Variants in PRKN observed in about 807,000 individuals in gnomAD.
PRKN encodes the protein parkin RBR E3 ubiquitin protein ligase.
PRKN carries 56 observed loss-of-function variants against 59.5 expected under a neutral mutation model. The ratio of observed to expected loss-of-function variants is 0.94; its 90% CI spans 0.76 to 1.18. The LOEUF (loss-of-function observed/expected upper bound fraction) is 1.18, where lower values mean the gene tolerates loss of function less well. PRKN is among the 50% of genes most tolerant of loss of function. The probability of loss-of-function intolerance (pLI) is 0.00; values close to 1 mark genes in which losing one functional copy is unlikely to be tolerated. For missense variants in PRKN, 657 were observed against 596.4 expected (o/e 1.10, Z -1.06); for synonymous variants, 250 against 222.1 (o/e 1.13, Z -1.12).
intron 9 of PRKN, among the ~76,000 whole-genome samples, chr6:161,469,451 T>C (rs746962895): frequency 9.4e-5 from 14 of 149,004 alleles, no homozygotes; most frequent in African/African-American, 1.2e-4. Flanking sequence ...AACAGACTAA[T>C]ACATCGCAAC....
chr6:162,413,426 T>C (rs746237647), intron 2 of PRKN, among the ~76,000 whole-genome samples: 25 of 152,034 alleles, frequency 1.6e-4, no homozygotes, highest in East Asian at 7.7e-4. Flanking sequence ...TTGTGAAATA[T>C]AGAAAGGAAG....
chr6:161,962,062 G>A, intron 6 of PRKN, among the ~76,000 whole-genome samples: 1 of 152,300 alleles, frequency 6.6e-6, no homozygotes, highest in South Asian at 2.1e-4. Flanking sequence ...GGCCCTTGCT[G>A]CGATAAATGA....
chr6:161,858,679 C>T (rs993936516), intron 6 of PRKN, among the ~76,000 whole-genome samples: 4 of 151,766 alleles, frequency 2.6e-5, no homozygotes, highest in Non-Finnish European at 5.9e-5. Flanking sequence ...ATGCTCTTCC[C>T]GTTGGCGGTG....
intron 5 of PRKN, among the ~76,000 whole-genome samples, chr6:162,024,194 CTTTTTTTTTTTT>C (rs111595639): frequency 1.2e-4 from 10 of 82,062 alleles, no homozygotes; most frequent in African/African-American, 3.5e-4. Context: ...TCCCCCAACC[CTTTTTTTTTTTT>C]TTTTTTTTTT....
chr6:162,110,012 C>T (rs1780354230), intron 4 of PRKN, among the ~76,000 whole-genome samples: 1 of 152,180 alleles, frequency 6.6e-6, no homozygotes, highest in Non-Finnish European at 1.5e-5. Flanking sequence ...CTGTGTTTTA[C>T]TTAACACTAT....
At chr6:162,455,336 T>G (rs888747842) in intron 1 of PRKN, among the ~76,000 whole-genome samples, 1 of 152,198 alleles carries the variant, frequency 6.6e-6, no homozygotes. Flanking sequence ...AAATGCATCC[T>G]TAGGCAATTT....
chr6:162,127,548 T>C (rs757853605), intron 4 of PRKN, among the ~76,000 whole-genome samples: 1 of 152,184 alleles, frequency 6.6e-6, no homozygotes, highest in Non-Finnish European at 1.5e-5. Context: ...CAGGAATCAA[T>C]GGCCAAGTAT....
At chr6:162,325,940 G>C (rs1048884523) in intron 2 of PRKN, among the ~76,000 whole-genome samples, 1 of 152,092 alleles carries the variant, frequency 6.6e-6, no homozygotes, top group African/African-American at 2.4e-5. Context: ...GCAAACATCC[G>C]TGGTCATGTC....
At chr6:161,415,224 G>A (rs959591758) in intron 9 of PRKN, among the ~76,000 whole-genome samples, 18 of 152,124 alleles carry the variant, frequency 1.2e-4, no homozygotes, top group African/African-American at 4.3e-4. Context: ...GTGTCCGCGA[G>A]GAACCATTCA....
At chr6:161,955,021 A>G (rs1780118806) in intron 6 of PRKN, among the ~76,000 whole-genome samples, 1 of 152,322 alleles carries the variant, frequency 6.6e-6, no homozygotes, top group East Asian at 1.9e-4. Flanking sequence ...CCATGAAACA[A>G]TGGAGAGGAA....
intron 2 of PRKN, among the ~76,000 whole-genome samples, chr6:162,304,893 A>T (rs1157988001): frequency 6.6e-6 from 1 of 152,138 alleles, no homozygotes; most frequent in Non-Finnish European, 1.5e-5. Context: ...AGGTTTTTAG[A>T]TGTAATCAAA....
chr6:162,171,729 C>T (rs1414207901), intron 4 of PRKN, among the ~76,000 whole-genome samples: 1 of 152,116 alleles, frequency 6.6e-6, no homozygotes, highest in African/African-American at 2.4e-5. Flanking sequence ...CTACCCCAGC[C>T]CATTATCTTC....
intron 4 of PRKN, among the ~76,000 whole-genome samples, chr6:162,169,968 CAG>C (rs1783192948): frequency 6.6e-6 from 1 of 152,288 alleles, no homozygotes; most frequent in South Asian, 2.1e-4. Flanking sequence ...GACGATCCAA[CAG>C]AATATCCTCG....
intron 10 of PRKN, among the ~76,000 whole-genome samples, chr6:161,375,618 C>T (rs1345176212): frequency 6.6e-6 from 1 of 152,126 alleles, no homozygotes; most frequent in Non-Finnish European, 1.5e-5. Context: ...GTGTGGCAGG[C>T]GACGAAAAGG....
intron 1 of PRKN, among the ~76,000 whole-genome samples, chr6:162,507,940 G>T (rs73608431): frequency 0.03 from 4,617 of 152,286 alleles, 226 homozygotes; most frequent in African/African-American, 0.1. Context: ...TCCCAGGCAG[G>T]ATGAAGGACT....
chr6:161,888,071 A>G (rs114066704), intron 6 of PRKN, among the ~76,000 whole-genome samples: 1,702 of 152,302 alleles, frequency 0.011, 41 homozygotes, highest in African/African-American at 0.039. Flanking sequence ...TAAAAATGCA[A>G]TAATGGCCCA....
intron 1 of PRKN, among the ~76,000 whole-genome samples, chr6:162,548,572 A>ATACTAGTTAGATGGATTG (rs1779212018): frequency 6.6e-6 from 1 of 152,192 alleles, no homozygotes; most frequent in Non-Finnish European, 1.5e-5. Flanking sequence ...TCGTTTGTAA[A>ATACTAGTTAGATGGATTG]TACTAGTTAG....
chr6:161,692,396 TG>T (rs939160712), intron 7 of PRKN, among the ~76,000 whole-genome samples: 2 of 152,216 alleles, frequency 1.3e-5, no homozygotes, highest in African/African-American at 4.8e-5. Flanking sequence ...TCATTGCTTT[TG>T]GTTGATAAAA....
At chr6:161,632,992 C>T (rs944443161) in intron 7 of PRKN, among the ~76,000 whole-genome samples, 1 of 152,276 alleles carries the variant, frequency 6.6e-6, no homozygotes, top group South Asian at 2.1e-4. Context: ...AGAAGCTTTG[C>T]AGATCATTGT....
Sources: allele counts gnomAD v4.1 joint callset (sites outside exome capture counted in the v4.1 genomes callset), GRCh38; gene constraint gnomAD v4.1.1; transcripts MANE v1.5; gene names NCBI Gene and HGNC (gene_info 2026-07-23, HGNC 2026-07-21).